SCFD2: variants seen among roughly 807,000 people sequenced by gnomAD.
SCFD2 encodes the protein sec1 family domain containing 2.
SCFD2 carries 54 observed loss-of-function variants against 58.9 expected under a neutral mutation model. The ratio of observed to expected loss-of-function variants is 0.92; its 90% CI spans 0.74 to 1.15. The LOEUF (loss-of-function observed/expected upper bound fraction) is 1.15, where lower values mean the gene tolerates loss of function less well. Ranked by LOEUF, SCFD2 falls within the 50% of genes most tolerant of loss-of-function variation. The pLI, the probability that SCFD2 is intolerant of heterozygous loss-of-function variation, is 0.00. For missense variants in SCFD2, 805 were observed against 836.6 expected, an observed-to-expected ratio of 0.96 and a Z score of 0.47; for synonymous variants, 321 against 335.9, an observed-to-expected ratio of 0.96 and a Z score of 0.49.
intron 2 of SCFD2, 121 bp from the exon 3 acceptor site, chr4:53,313,884 G>A (rs1450133980): frequency 2.5e-5 from 20 of 785,662 alleles, no homozygotes; most frequent in Non-Finnish European, 3.2e-5. Context: ...CCTACTGATA[G>A]ACTCTAAGTA....
At chr4:53,226,196 A>C (rs1466102415) in intron 4 of SCFD2, among the ~76,000 whole-genome samples, 1 of 152,028 alleles carries the variant, frequency 6.6e-6, no homozygotes, top group East Asian at 1.9e-4. Context: ...TTCTTTTCCC[A>C]CTGGTTTGTG....
At chr4:53,114,779 G>T (rs1284438973) in intron 5 of SCFD2, among the ~76,000 whole-genome samples, 1 of 152,060 alleles carries the variant, frequency 6.6e-6, no homozygotes, top group Non-Finnish European at 1.5e-5. Context: ...TTTGAAAATT[G>T]AAATTGAAAA....
chr4:53,102,540 G>T (rs1440050972), intron 5 of SCFD2, among the ~76,000 whole-genome samples: 4 of 151,672 alleles, frequency 2.6e-5, no homozygotes, highest in African/African-American at 9.7e-5. Flanking sequence ...TTGATGAAAG[G>T]AGATCAAAAG....
chr4:52,990,015 G>A (rs547210994), intron 5 of SCFD2, among the ~76,000 whole-genome samples: 60 of 152,112 alleles, frequency 3.9e-4, no homozygotes, highest in Middle Eastern at 6.8e-3. Flanking sequence ...AAATAGGCTC[G>A]AGGCAATCTA....
At chr4:53,357,068 T>C (rs1330684116) in intron 1 of SCFD2, among the ~76,000 whole-genome samples, 1 of 152,158 alleles carries the variant, frequency 6.6e-6, no homozygotes, top group Admixed American at 6.5e-5. Flanking sequence ...AGGATTTGGA[T>C]ATTTTTAGCA....
chr4:53,265,857 A>G (rs1730969678), intron 4 of SCFD2, among the ~76,000 whole-genome samples: 1 of 152,052 alleles, frequency 6.6e-6, no homozygotes, highest in South Asian at 2.1e-4. Context: ...CTCCTGCCTC[A>G]GCCTCCTGAG....
chr4:53,297,398 C>A (rs1367655078), intron 3 of SCFD2, among the ~76,000 whole-genome samples: 1 of 152,004 alleles, frequency 6.6e-6, no homozygotes, highest in Non-Finnish European at 1.5e-5. Context: ...TAATGCCCTT[C>A]TTCGTCTCTT....
At position 53,274,060 on chromosome 4, in the gene SCFD2, A is replaced by C. The variant is rs1298119425; in HGVS notation, c.1136-59T>G. 2.9e-6 allele frequency: 4 copies of C among 1,387,572 alleles called. No homozygotes were observed. In the African/African-American group the frequency reaches 5.8e-5, roughly 20 times the overall value. 86.0% of individuals were successfully genotyped at this position (1,387,572 alleles called of 1,614,324 possible). A position where few individuals can be genotyped will look rare whatever the true frequency, so the allele number is the denominator to read the frequency against. Reference sequence around the variant, plus strand: ...TCTGGGAATAGTACAAATAATGAGAAGGATTCCATTAATAATACCACTGTC... The same window carrying C: ...TCTGGGAATAGTACAAATAATGAGACGGATTCCATTAATAATACCACTGTC... On this transcript the variant is annotated intron_variant, in intron 3 of 8. Coordinates refer to ENST00000401642, the MANE Select transcript of SCFD2 (RefSeq NM_152540.4).
chr4:53,165,125 A>G (rs1726968497), intron 4 of SCFD2, among the ~76,000 whole-genome samples: 1 of 152,106 alleles, frequency 6.6e-6, no homozygotes, highest in South Asian at 2.1e-4. Context: ...TTTCCTTTTA[A>G]GCGTTACCAT....
chr4:53,321,622 T>A (rs892974406), intron 2 of SCFD2, among the ~76,000 whole-genome samples: 32 of 152,212 alleles, frequency 2.1e-4, no homozygotes, highest in African/African-American at 7.7e-4. Context: ...TGAGTCATAG[T>A]TTTTCACAGC....
chr4:53,002,037 A>C (rs776573430), intron 5 of SCFD2, among the ~76,000 whole-genome samples: 3 of 152,208 alleles, frequency 2.0e-5, no homozygotes, highest in Admixed American at 1.3e-4. Flanking sequence ...CTATTCAATA[A>C]TTATTGGATG....
chr4:53,158,453 T>A (rs1232112512), intron 4 of SCFD2, among the ~76,000 whole-genome samples: 2 of 152,132 alleles, frequency 1.3e-5, no homozygotes, highest in African/African-American at 4.8e-5. Flanking sequence ...ATCCTCTACA[T>A]CCTGTACTGT....
At chr4:53,181,550 T>C (rs1328749597) in intron 4 of SCFD2, among the ~76,000 whole-genome samples, 1 of 152,128 alleles carries the variant, frequency 6.6e-6, no homozygotes, top group African/African-American at 2.4e-5. Flanking sequence ...GCCAATATCA[T>C]ACTGAATGGG....
intron 5 of SCFD2, among the ~76,000 whole-genome samples, chr4:53,108,884 G>C (rs1291909885): frequency 2.0e-5 from 3 of 152,156 alleles, no homozygotes; most frequent in Non-Finnish European, 4.4e-5. Flanking sequence ...GCATCATCCT[G>C]ACACCAAAAC....
chr4:53,251,060 G>A (rs192872911), intron 4 of SCFD2, among the ~76,000 whole-genome samples: 3,116 of 152,184 alleles, frequency 0.02, 111 homozygotes, highest in African/African-American at 0.071. Context: ...TATCACCACC[G>A]ATCCCACAGA....
intron 5 of SCFD2, among the ~76,000 whole-genome samples, chr4:52,937,986 A>G (rs1720187146): frequency 6.6e-6 from 1 of 152,208 alleles, no homozygotes; most frequent in Non-Finnish European, 1.5e-5. Context: ...TGATTCATAC[A>G]TTGACTCAAC....
chr4:53,120,723 G>C (rs535182788), intron 5 of SCFD2, among the ~76,000 whole-genome samples: 1 of 152,076 alleles, frequency 6.6e-6, no homozygotes, highest in Non-Finnish European at 1.5e-5. Context: ...ATGAGAAAAA[G>C]AAAATTTATT....
chr4:53,061,533 G>A (rs188985641), intron 5 of SCFD2, among the ~76,000 whole-genome samples: 110 of 152,260 alleles, frequency 7.2e-4, no homozygotes, highest in Non-Finnish European at 9.0e-4. Context: ...TAGTACAAAC[G>A]AGGACAGGAG....
At chr4:52,896,442 G>C (rs1489308107) in intron 7 of SCFD2, among the ~76,000 whole-genome samples, 15 of 152,220 alleles carry the variant, frequency 9.9e-5, no homozygotes, top group Admixed American at 9.2e-4. Flanking sequence ...GCTTGTTTTT[G>C]TCAGGTTTGT....
Sources: allele counts gnomAD v4.1 joint callset (sites outside exome capture counted in the v4.1 genomes callset), GRCh38; gene constraint gnomAD v4.1.1; transcripts MANE v1.5; gene names NCBI Gene and HGNC (gene_info 2026-07-23, HGNC 2026-07-21).